The following PRKD3 variants were observed in gnomAD, a reference collection of about 807,000 sequenced individuals.
PRKD3 encodes serine/threonine-protein kinase D3.
PRKD3 carries 47 observed loss-of-function variants against 99.2 expected under a neutral mutation model. The observed-to-expected ratio is 0.47, with a 90% CI of 0.38 to 0.60. The LOEUF is 0.60. PRKD3 is among the 20% of genes least tolerant of loss of function. The probability of loss-of-function intolerance (pLI) is 0.00; values close to 1 mark genes in which losing one functional copy is unlikely to be tolerated. For synonymous variants in PRKD3, 392 were observed against 355.4 expected (o/e 1.10, Z -1.16); for missense variants, 1,019 against 1,088.4 (o/e 0.94, Z 0.90).
At chr2:37,261,661 TC>T (rs1668466198) in intron 14 of PRKD3, among the ~76,000 whole-genome samples, 5 of 141,198 alleles carry the variant, frequency 3.5e-5, no homozygotes, top group Admixed American at 7.1e-5. Flanking sequence ...AAGCCTGTAA[TC>T]CCAGCTACTC....
chr2:37,290,793 G>C (rs1670379936), intron 4 of PRKD3, 75 bp downstream of exon 4: 1 of 1,443,494 alleles, frequency 6.9e-7, no homozygotes, highest in African/African-American at 1.4e-5. Context: ...TCGTCATCTT[G>C]CTTTTTCACT....
chr2:37,292,612 C>T (rs1382447135), intron 3 of PRKD3, among the ~76,000 whole-genome samples: 2 of 152,054 alleles, frequency 1.3e-5, no homozygotes, highest in African/African-American at 4.8e-5. Flanking sequence ...TCCCAAAGTG[C>T]TGGGATTACA....
intron 16 of PRKD3, among the ~76,000 whole-genome samples, chr2:37,257,495 C>G (rs965090515): frequency 1.3e-5 from 2 of 151,842 alleles, no homozygotes; most frequent in African/African-American, 4.8e-5. Flanking sequence ...GAAACCCCGT[C>G]TCTACTGAAG....
In PRKD3 at chr2:37,256,738, A is replaced by C; in HGVS notation, c.2337T>G (p.Asp779Glu). The C allele has an allele frequency of 6.2e-7, 1 of 1,603,156 alleles. No homozygotes were observed. ...TTTGGATTTGGTCATTTATATCTTC[A>C]TCCTCATTAAAAGGAAATGTGCCAC... ...SLSGTFPFNE[D>E]EDINDQIQNA... Residue 779 changes from aspartate to glutamate, a missense_variant, in exon 17 of 19, where the codon GAT becomes GAG. Around this residue, in one of 3 missense-constraint regions of PRKD3, gnomAD observed 184 missense variants for 275.1 expected, o/e 0.67. Transcript: ENST00000234179.
At position 37,254,286 on chromosome 2, in the gene PRKD3, A is replaced by G. The variant is rs1365545889; in HGVS notation, c.2417T>C (p.Ile806Thr). 9 of 1,611,958 alleles carry G rather than the reference A, an allele frequency of 5.6e-6. No homozygotes were observed. The highest frequency in any genetic ancestry group is 2.2e-5 in the East Asian group (1 of 44,828). Reference sequence around the variant, plus strand: ...TTGAAGCAGATTGTTTATCAGATCAATTGCTAAGGGAAAAGACAAAACAAG... The same window carrying G: ...TTGAAGCAGATTGTTTATCAGATCAGTTGCTAAGGGAAAAGACAAAACAAG... ...NPWREISGEA[I>T]DLINNLLQVK... The change falls in exon 18 of 19, where the codon ATT becomes ACT. Residue 806 changes from isoleucine (I) to threonine (T), a missense_variant. By Grantham distance (89) the Ile-to-Thr change is moderately conservative (BLOSUM62 -1). This residue lies in a region of PRKD3 where 125 missense variants were observed against 120.6 expected (regional missense o/e 1.04). Coordinates refer to ENST00000234179, the MANE Select transcript of PRKD3 (RefSeq NM_005813.6).
intron 9 of PRKD3, 61 bp downstream of exon 9, chr2:37,277,805 G>T (rs1014614951): frequency 5.2e-6 from 8 of 1,527,156 alleles, no homozygotes; most frequent in Non-Finnish European, 7.1e-6. Flanking sequence ...TTTAAAAAAT[G>T]CACAGAATGA....
Position 37,251,929 on chromosome 2 carries a change from A to G in PRKD3, c.*1248T>C, listed in dbSNP as rs952760232. On this transcript the variant is annotated 3_prime_UTR_variant, in exon 19 of 19. Coordinates refer to ENST00000234179, the MANE Select transcript of PRKD3 (RefSeq NM_005813.6). The stretch of plus-strand genomic sequence containing the variant: ...TTACTGAGAAATGAAGAAATAAGCC[A>G]CTGTTTCTTACAAGTAGATGGTCCC... 6.6e-6 allele frequency: 1 copy of G among 152,172 alleles called. No individual in the cohort carries two copies. Among genetic ancestry groups the G allele is most frequent in the Non-Finnish European group, 1.5e-5 (1 of 68,022 alleles). The allele number at this position is 152,172 out of a possible 1,614,324, so 9.4% of individuals were successfully genotyped here.
intron 13 of PRKD3, 170 bp from the exon 14 acceptor site, chr2:37,267,706 C>T (rs1031117385): frequency 3.5e-6 from 2 of 563,850 alleles, no homozygotes; most frequent in African/African-American, 1.9e-5. Flanking sequence ...AAATTGTTTT[C>T]CCCTCCATAC....
rs1671691810 is a variant in PRKD3 at position 37,316,945 on chromosome 2, A to G, written c.-421T>C. The stretch of plus-strand genomic sequence containing the variant: ...AGGTGAAATCCTCTTCGTTTAAAAA[A>G]CAGTAAGTGTTTTGGATTAATCTAT... On this transcript the variant is annotated 5_prime_UTR_variant, in exon 2 of 19. Coordinates refer to ENST00000234179, the MANE Select transcript of PRKD3 (RefSeq NM_005813.6). The G allele has an allele frequency of 3.0e-6, 3 of 999,330 alleles. No homozygotes were observed. The highest frequency in any genetic ancestry group is 8.8e-5 in the South Asian group (2 of 22,614). The allele number at this position is 999,330 out of a possible 1,614,324, so 61.9% of individuals were successfully genotyped here.
chr2:37,310,292 T>C (rs1198616567), intron 2 of PRKD3, among the ~76,000 whole-genome samples: 1 of 152,210 alleles, frequency 6.6e-6, no homozygotes, highest in Non-Finnish European at 1.5e-5. Flanking sequence ...TAATACATAA[T>C]AATATTGATT....
intron 13 of PRKD3, chr2:37,269,411 C>A: frequency 1.8e-6 from 1 of 561,698 alleles, no homozygotes; most frequent in Non-Finnish European, 3.2e-6. Flanking sequence ...TTTTCTGATT[C>A]TGTTAATTTT....
At chr2:37,267,689 T>C (rs1486146401) in intron 13 of PRKD3, 153 bp from the exon 14 acceptor site, 1 of 601,982 alleles carries the variant, frequency 1.7e-6, no homozygotes, top group Non-Finnish European at 2.9e-6. Context: ...ACCTTTAATT[T>C]AGGAAAAAAT....
chr2:37,263,258 G>A (rs145480355), intron 14 of PRKD3, among the ~76,000 whole-genome samples: 33 of 152,094 alleles, frequency 2.2e-4, no homozygotes, highest in African/African-American at 6.0e-4. Context: ...TTTTGATTTC[G>A]CTCTTTGATT....
Position 37,259,570 on chromosome 2 carries a change from G to A in PRKD3, c.2145+13C>T. On this transcript the variant is annotated intron_variant, in intron 16 of 18. Transcript: ENST00000234179. ...TGCCAGAATCATTTAAAAGGTTCTG[G>A]AGAATATCTCACCTGAGGAAATGGC... 6.3e-7 allele frequency: 1 copy of A among 1,590,698 alleles called. No individual in the cohort carries two copies. The highest frequency in any genetic ancestry group is 8.6e-7 in the Non-Finnish European group (1 of 1,160,082).
rs143547119 is a variant in PRKD3 at position 37,276,400 on chromosome 2, A to G, written c.1297-556T>C. Among the ~76,000 whole-genome samples the G allele has an allele frequency of 6.6e-5, 10 of 152,286 alleles. 1 individual carries two copies. The highest frequency in any genetic ancestry group is 1.7e-4 in the African/African-American group (7 of 41,570). On this transcript the variant is annotated intron_variant, in intron 9 of 18. Transcript: ENST00000234179. Reference sequence around the variant, plus strand: ...AACACTGGTATTTCAGTGAAAGGTTAAAGTGATATTCCTTTTATTATAAAT... The same window carrying G: ...AACACTGGTATTTCAGTGAAAGGTTGAAGTGATATTCCTTTTATTATAAAT...
At chr2:37,313,148 T>C (rs975593950) in intron 2 of PRKD3, among the ~76,000 whole-genome samples, 3 of 152,130 alleles carry the variant, frequency 2.0e-5, no homozygotes, top group Non-Finnish European at 2.9e-5. Context: ...CAGTAGTATT[T>C]TAGGCTTGGT....
At chr2:37,316,151 A>G in intron 2 of PRKD3, 86 bp downstream of exon 2, 1 of 1,307,506 alleles carries the variant, frequency 7.6e-7, no homozygotes. Flanking sequence ...ATGGATCAGT[A>G]TGTCTTAACT....
chr2:37,299,927 T>C (rs1445886540), intron 2 of PRKD3, among the ~76,000 whole-genome samples: 1 of 152,106 alleles, frequency 6.6e-6, no homozygotes, highest in East Asian at 1.9e-4. Flanking sequence ...GCTTATACAC[T>C]ATTGGTGGGA....
At chr2:37,297,176 C>T (rs1483894649) in intron 2 of PRKD3, among the ~76,000 whole-genome samples, 1 of 152,120 alleles carries the variant, frequency 6.6e-6, no homozygotes, top group Non-Finnish European at 1.5e-5. Flanking sequence ...TCTGGCCACA[C>T]ATCAGAACCA....
Sources: gnomAD v4.1 joint callset for allele counts (sites outside exome capture counted in the v4.1 genomes callset) on GRCh38, gnomAD v4.1.1 for gene constraint, gnomAD v4.1.1 regional missense constraint, MANE v1.5 for transcripts, NCBI Gene and HGNC (gene_info 2026-07-23, HGNC 2026-07-21) for gene names.